PODXL2: variants seen among roughly 807,000 people sequenced by gnomAD.
The protein encoded by PODXL2 is podocalyxin-like protein 2.
In PODXL2, 17 loss-of-function variants were observed where a neutral mutation model predicts 53.4. That is an observed-to-expected ratio of 0.32 (90% CI 0.22 to 0.48). The LOEUF (loss-of-function observed/expected upper bound fraction) is 0.48. Among genes scored for constraint, PODXL2 ranks in the 20% least tolerant of loss-of-function variants. The pLI is 0.99. For synonymous variants in PODXL2, 311 were observed against 306.7 expected (o/e 1.01, Z -0.15); for missense variants, 673 against 760.0 (o/e 0.89, Z 1.35).
At chr3:127,633,961 C>T (rs1175524059) in intron 1 of PODXL2, among the ~76,000 whole-genome samples, 1 of 151,622 alleles carries the variant, frequency 6.6e-6, no homozygotes, top group African/African-American at 2.4e-5. Flanking sequence ...GCAAAAGAGG[C>T]GGCTGTGTTC....
At chr3:127,667,239 T>G (rs758848955) in intron 4 of PODXL2, among the ~76,000 whole-genome samples, 1 of 152,238 alleles carries the variant, frequency 6.6e-6, no homozygotes, top group South Asian at 2.1e-4. Flanking sequence ...TCTGGTAGCC[T>G]TTAGGTTGGC....
chr3:127,662,097 G>A, intron 3 of PODXL2, 140 bp from the exon 4 acceptor site: 1 of 663,134 alleles, frequency 1.5e-6, no homozygotes, highest in East Asian at 2.7e-5. Flanking sequence ...CACAGAGGCT[G>A]TCAGCAGCCC....
rs958599528 is a variant in PODXL2 at position 127,649,791 on chromosome 3, G to T, written c.349+10268G>T. Among the ~76,000 whole-genome samples the T allele has an allele frequency of 2.6e-5, 4 of 152,160 alleles. No individual in the cohort carries two copies. In the East Asian group the frequency reaches 7.7e-4, roughly 29 times the overall value. The stretch of plus-strand genomic sequence containing the variant: ...GTCTCTACTAAAAATACAAAAATTG[G>T]CTGGGTGTGGTGGTGGGTGCCTGTA... On this transcript the variant is annotated intron_variant, in intron 2 of 7. Transcript: ENST00000342480.
intron 1 of PODXL2, among the ~76,000 whole-genome samples, chr3:127,633,180 G>A (rs1330938434): frequency 6.6e-6 from 1 of 152,160 alleles, no homozygotes; most frequent in Admixed American, 6.5e-5. Flanking sequence ...CAGAGTGTTT[G>A]GAAAGGGGTA....
At chr3:127,633,884 G>A (rs972312031) in intron 1 of PODXL2, among the ~76,000 whole-genome samples, 1 of 151,610 alleles carries the variant, frequency 6.6e-6, no homozygotes, top group Non-Finnish European at 1.5e-5. Context: ...CAGGTGGGTG[G>A]TGGGACAGGA....
At chr3:127,636,481 A>G (rs1041675013) in intron 1 of PODXL2, among the ~76,000 whole-genome samples, 2 of 152,218 alleles carry the variant, frequency 1.3e-5, no homozygotes, top group Non-Finnish European at 2.9e-5. Flanking sequence ...GTGGACCCCA[A>G]ATTGATTGTC....
intron 1 of PODXL2, among the ~76,000 whole-genome samples, chr3:127,634,100 A>G (rs553321527): frequency 3.3e-5 from 5 of 152,122 alleles, no homozygotes; most frequent in African/African-American, 7.2e-5. Context: ...TCTGACCTGT[A>G]TGATAGAATG....
intron 2 of PODXL2, among the ~76,000 whole-genome samples, chr3:127,652,249 G>T (rs1397492950): frequency 6.6e-6 from 1 of 152,200 alleles, no homozygotes; most frequent in African/African-American, 2.4e-5. Context: ...CTTTGCTCTT[G>T]CAGGGCCTCT....
At chr3:127,645,993 A>G (rs972552394) in intron 2 of PODXL2, among the ~76,000 whole-genome samples, 1 of 152,206 alleles carries the variant, frequency 6.6e-6, no homozygotes, top group Non-Finnish European at 1.5e-5. Flanking sequence ...TAACATGGCC[A>G]TTAGGGACAT....
chr3:127,672,615 TCCCGCTTCC>T lies in PODXL2; in HGVS notation c.*140_*148del. On this transcript the variant is annotated 3_prime_UTR_variant, in exon 8 of 8. Transcript: ENST00000342480. ...GGCCTGGCCCTCGGCGCGGGCTCCTTCCCGCTTCCCCCGACTTCACACGGCGGCTTCGGA... is the reference window on the plus strand; with the variant it reads ...GGCCTGGCCCTCGGCGCGGGCTCCTTCCCGACTTCACACGGCGGCTTCGGA... The T allele has an allele frequency of 1.8e-6, 1 of 544,708 alleles. No individual in the cohort carries two copies. Among genetic ancestry groups the T allele is most frequent in the South Asian group, 3.0e-5 (1 of 33,608 alleles). The allele number at this position is 544,708 out of a possible 1,614,324, so 33.7% of individuals were successfully genotyped here.
At chr3:127,657,342 C>G (rs918714904) in intron 2 of PODXL2, among the ~76,000 whole-genome samples, 18 of 152,308 alleles carry the variant, frequency 1.2e-4, no homozygotes, top group African/African-American at 4.1e-4. Context: ...CCACCATATT[C>G]CTGCCATATC....
At chr3:127,669,616 C>G (rs1386758095) in intron 6 of PODXL2, among the ~76,000 whole-genome samples, 5 of 152,198 alleles carry the variant, frequency 3.3e-5, no homozygotes, top group African/African-American at 1.2e-4. Context: ...AAAGAGCAAG[C>G]CTGGGAGACC....
chr3:127,634,561 A>G (rs916117749), intron 1 of PODXL2, among the ~76,000 whole-genome samples: 1 of 149,452 alleles, frequency 6.7e-6, no homozygotes. Flanking sequence ...TATCTCTACT[A>G]AAAATAAAAA....
intron 2 of PODXL2, among the ~76,000 whole-genome samples, chr3:127,658,120 G>A (rs2074737454): frequency 6.6e-6 from 1 of 152,086 alleles, no homozygotes; most frequent in South Asian, 2.1e-4. Flanking sequence ...TGGAAGAGGG[G>A]GAGGATCTGC....
At position 127,671,527 on chromosome 3, in the gene PODXL2, G is replaced by A. The variant is rs773071679; in HGVS notation, c.1519G>A (p.Val507Ile). The A allele has an allele frequency of 6.2e-7, 1 of 1,614,190 alleles. No individual in the cohort carries two copies. The highest frequency in any genetic ancestry group is 1.1e-5 in the South Asian group (1 of 91,084). ...DYGTLFVVLVVIGAICIIIIA... is the reference protein window; with the variant it reads ...DYGTLFVVLVIIGAICIIIIA... ...CGGCACGCTCTTCGTGGTGCTGGTG[G>A]TCATTGGGGCCATCTGCATCATCAT... Residue 507 changes from valine to isoleucine, a missense_variant, in exon 7 of 8, where the codon GTC (valine) becomes ATC (isoleucine). Physicochemically the swap from Val to Ile is conservative, Grantham distance 29. Coordinates refer to ENST00000342480, the MANE Select transcript of PODXL2 (RefSeq NM_015720.4).
Position 127,645,492 on chromosome 3 carries a change from T to TA in PODXL2, c.349+5970dup, listed in dbSNP as rs541856143. Among the ~76,000 whole-genome samples the TA allele has an allele frequency of 2.9e-3, 449 of 152,362 alleles. 3 individuals carry two copies. The highest frequency in any genetic ancestry group is 1.0e-2 in the African/African-American group (414 of 41,586). On this transcript the variant is annotated intron_variant, in intron 2 of 7. Transcript: ENST00000342480. ...AATGAGCAGGACCAGTGCACGTGGT[T>TA]ATGCTGGTGGTGCCCTGTCCGGGGC...
chr3:127,671,270 A>G (rs773440616), intron 6 of PODXL2, among the ~76,000 whole-genome samples, 164 bp from the exon 7 acceptor site: 1 of 152,116 alleles, frequency 6.6e-6, no homozygotes, highest in Non-Finnish European at 1.5e-5. Flanking sequence ...CGGGATGGGC[A>G]TGGGGTAGAG....
rs370199736 is a variant in PODXL2 at position 127,660,368 on chromosome 3, C to G, written c.350-10C>G. ...AAACAAGTGAATGAACTTTTCATCT[C>G]TGTCCTTAGATTATGTTTTTCCTGA... On this transcript the variant is annotated splice_polypyrimidine_tract_variant and intron_variant, in intron 2 of 7. Coordinates refer to ENST00000342480, the MANE Select transcript of PODXL2 (RefSeq NM_015720.4). The G allele has an allele frequency of 2.2e-5, 36 of 1,604,056 alleles. No homozygotes were observed. The African/African-American group carries it at 3.7e-4, about 17-fold the overall frequency.
chr3:127,662,937 A>G (rs2074776551), intron 4 of PODXL2, among the ~76,000 whole-genome samples: 1 of 152,176 alleles, frequency 6.6e-6, no homozygotes, highest in African/African-American at 2.4e-5. Context: ...GGGTGGAGAG[A>G]GAGGGCTGGG....
Sources: gnomAD v4.1 joint callset for allele counts (sites outside exome capture counted in the v4.1 genomes callset) on GRCh38, gnomAD v4.1.1 for gene constraint, MANE v1.5 for transcripts, NCBI Gene and HGNC (gene_info 2026-07-23, HGNC 2026-07-21) for gene names.